Variants in CDH11 observed in about 807,000 individuals in gnomAD.
CDH11 encodes cadherin 11.
Under a neutral mutation model 67.8 loss-of-function variants are expected in CDH11, and 11 were observed. The observed-to-expected ratio is 0.16, with a 90% CI of 0.10 to 0.27. The LOEUF is 0.27. CDH11 is among the 10% of genes least tolerant of loss of function. The pLI, the probability that CDH11 is intolerant of heterozygous loss-of-function variation, is 1.00. For synonymous variants in CDH11, 419 were observed against 400.0 expected (o/e 1.05, Z -0.57); for missense variants, 847 against 1,031.2 (o/e 0.82, Z 2.45).
chr16:64,981,942 C>T lies in CDH11; in HGVS notation c.1253+106G>A, dbSNP rs1223429412. ...TTTACATTCTATTGAACCTGATAAA[C>T]TTGAACCCTTTTTGAAATTGAAAAA... is the stretch of plus-strand genomic sequence containing the variant. On this transcript the variant is annotated intron_variant, in intron 8 of 12. Transcript: ENST00000268603. The T allele has an allele frequency of 6.1e-6, 6 of 987,632 alleles. No homozygotes were observed. In the Admixed American group the frequency reaches 1.2e-4, roughly 19 times the overall value. 61.2% of individuals were successfully genotyped at this position (987,632 alleles called of 1,614,324 possible). A position where few individuals can be genotyped will look rare whatever the true frequency, so the allele number is the denominator to read the frequency against.
At chr16:64,949,896 C>T (rs776767895) in intron 12 of CDH11, among the ~76,000 whole-genome samples, 3 of 152,114 alleles carry the variant, frequency 2.0e-5, no homozygotes, top group African/African-American at 4.8e-5. Flanking sequence ...ACATAGGGCC[C>T]GTTGCCCAGA....
chr16:65,095,963 A>G (rs1473758612), intron 1 of CDH11, among the ~76,000 whole-genome samples: 6 of 152,214 alleles, frequency 3.9e-5, no homozygotes, highest in Admixed American at 2.6e-4. Context: ...CAGTAATTAC[A>G]AATTGAAAAT....
intron 8 of CDH11, among the ~76,000 whole-genome samples, chr16:64,976,239 G>A (rs1383449580): frequency 6.6e-6 from 1 of 152,150 alleles, no homozygotes; most frequent in East Asian, 1.9e-4. Context: ...TGGACACAGA[G>A]AGAAGGACCA....
At position 64,965,610 on chromosome 16, in the gene CDH11, AT is replaced by A. The variant is rs545275866; in HGVS notation, c.1642+5968del. Among the ~76,000 whole-genome samples, 5 of 152,122 alleles carry A rather than the reference AT, an allele frequency of 3.3e-5. No individual in the cohort carries two copies. The South Asian group carries it at 1.0e-3, about 31-fold the overall frequency. The stretch of plus-strand genomic sequence containing the variant: ...CTGAAGCTGTTTTAAAGTGAACTTT[AT>A]TTTTGATAAATAGAATGAGTACACT... On this transcript the variant is annotated intron_variant, in intron 11 of 12. Coordinates refer to ENST00000268603, the MANE Select transcript of CDH11 (RefSeq NM_001797.4).
chr16:64,970,811 C>G (rs2071983849), intron 11 of CDH11, among the ~76,000 whole-genome samples: 1 of 152,170 alleles, frequency 6.6e-6, no homozygotes, highest in African/African-American at 2.4e-5. Flanking sequence ...TTTTCACAGG[C>G]CTGCACCTTC....
chr16:65,073,944 C>T (rs558268219), intron 1 of CDH11, among the ~76,000 whole-genome samples: 77 of 152,246 alleles, frequency 5.1e-4, no homozygotes, highest in African/African-American at 1.8e-3. Flanking sequence ...ACCTGAGTTT[C>T]ATTTGGTTGT....
intron 2 of CDH11, among the ~76,000 whole-genome samples, chr16:65,019,758 T>C (rs1350322643): frequency 6.6e-6 from 1 of 152,122 alleles, no homozygotes; most frequent in Non-Finnish European, 1.5e-5. Flanking sequence ...TTGAATAATA[T>C]CCTTTTAATT....
In CDH11 at chr16:65,004,780, G is replaced by T. The variant is rs1215210871; in HGVS notation, c.90C>A (p.His30Gln). 6.3e-7 allele frequency: 1 copy of T among 1,582,450 alleles called. No homozygotes were observed. The highest frequency in any genetic ancestry group is 2.3e-5 in the East Asian group (1 of 42,716). Residue 30 changes from histidine (H) to glutamine (Q), a missense_variant, in exon 3 of 13, where the codon CAC (histidine) becomes CAA (glutamine). His to Gln is a conservative substitution (Grantham distance 24). This residue lies in a region of CDH11 where 235 missense variants were observed against 352.5 expected (regional missense o/e 0.67). Transcript: ENST00000268603. Reference protein sequence around the residue: ...SHAFAPERRGHLRPSFHGHHE... With the variant: ...SHAFAPERRGQLRPSFHGHHE... ...GGTGCCCATGGAAGGAGGGCCGCAG[G>T]TGCCCCCGCCGCTCTGGGGCAAAGG...
Position 64,946,194 on chromosome 16 carries a change from A to G in CDH11, c.*1409T>C. ...TTCTCATTAAAACATAAAATGCCAC[A>G]TCATTTTACAATTAGTTAAAATTAC... On this transcript the variant is annotated 3_prime_UTR_variant, in exon 13 of 13. Coordinates refer to ENST00000268603, the MANE Select transcript of CDH11 (RefSeq NM_001797.4). 1 of 1,051,408 alleles carries G rather than the reference A, an allele frequency of 9.5e-7. No homozygotes were observed. Among genetic ancestry groups the G allele is most frequent in the Non-Finnish European group, 1.1e-6 (1 of 870,440 alleles). 65.1% of individuals were successfully genotyped at this position (1,051,408 alleles called of 1,614,324 possible). A position where few individuals can be genotyped will look rare whatever the true frequency, so the allele number is the denominator to read the frequency against.
intron 1 of CDH11, among the ~76,000 whole-genome samples, chr16:65,099,757 T>C (rs566599988): frequency 6.6e-6 from 1 of 152,286 alleles, no homozygotes; most frequent in Non-Finnish European, 1.5e-5. Flanking sequence ...TGACAGAAGC[T>C]AGACGACTCC....
chr16:65,036,867 C>T (rs1299841259), intron 2 of CDH11, among the ~76,000 whole-genome samples: 1 of 152,138 alleles, frequency 6.6e-6, no homozygotes, highest in African/African-American at 2.4e-5. Context: ...ACTTGACTCT[C>T]TGCCTGAAAT....
chr16:64,974,203 C>T (rs1331689775), intron 8 of CDH11, among the ~76,000 whole-genome samples: 1 of 152,082 alleles, frequency 6.6e-6, no homozygotes, highest in Non-Finnish European at 1.5e-5. Flanking sequence ...AAACCCCTTC[C>T]CTTTCCACTC....
At chr16:65,076,325 A>G (rs2074508621) in intron 1 of CDH11, among the ~76,000 whole-genome samples, 1 of 152,140 alleles carries the variant, frequency 6.6e-6, no homozygotes, top group African/African-American at 2.4e-5. Flanking sequence ...TTTCTTTTAC[A>G]GGGTGATGCC....
At chr16:65,039,400 A>G (rs934988469) in intron 2 of CDH11, among the ~76,000 whole-genome samples, 3 of 152,166 alleles carry the variant, frequency 2.0e-5, no homozygotes, top group African/African-American at 7.2e-5. Flanking sequence ...CCTCAGAAAT[A>G]ATGCTGCATA....
intron 2 of CDH11, among the ~76,000 whole-genome samples, chr16:65,020,612 G>A (rs1031328487): frequency 2.0e-5 from 3 of 152,312 alleles, no homozygotes; most frequent in Middle Eastern, 3.4e-3. Context: ...TTACAGGTGT[G>A]AGCCATGATG....
chr16:65,051,428 A>T (rs1238626457), intron 2 of CDH11, among the ~76,000 whole-genome samples: 1 of 144,262 alleles, frequency 6.9e-6, no homozygotes, highest in Non-Finnish European at 1.5e-5. Flanking sequence ...TGGGAGATTC[A>T]TTCAGGAGAA....
rs1200566498 is a variant in CDH11 at position 64,982,321 on chromosome 16, G to A, written c.1000-20C>T. ...TACAGGCTGGCAAGAATGAAGAGAA[G>A]ATTGACAACCAATTCCTTGAAAGAA... On this transcript the variant is annotated intron_variant, in intron 7 of 12. Transcript: ENST00000268603. 4.4e-6 allele frequency: 7 copies of A among 1,590,912 alleles called. No homozygotes were observed. The Admixed American group carries it at 5.1e-5, about 12-fold the overall frequency.
intron 1 of CDH11, among the ~76,000 whole-genome samples, chr16:65,092,112 A>G (rs1020703844): frequency 6.6e-6 from 1 of 152,296 alleles, no homozygotes; most frequent in Admixed American, 6.5e-5. Context: ...AGAATGCCAT[A>G]GTCATAGATG....
At position 64,946,516 on chromosome 16, in the gene CDH11, T is replaced by A. The variant is rs568520318; in HGVS notation, c.*1087A>T. 7 of 1,030,864 alleles carry A rather than the reference T, an allele frequency of 6.8e-6. No homozygotes were observed. The South Asian group carries it at 3.2e-4, about 48-fold the overall frequency. 63.9% of individuals were successfully genotyped at this position (1,030,864 alleles called of 1,614,324 possible). A position where few individuals can be genotyped will look rare whatever the true frequency, so the allele number is the denominator to read the frequency against. ...CATAGACTGACCTAGTTCTTTCACA[T>A]CCTTCTTTTTTAGAAGATGTGTGTG... is the stretch of plus-strand genomic sequence containing the variant. On this transcript the variant is annotated 3_prime_UTR_variant, in exon 13 of 13. Coordinates refer to ENST00000268603, the MANE Select transcript of CDH11 (RefSeq NM_001797.4).
Sources: gnomAD v4.1 joint callset for allele counts (sites outside exome capture counted in the v4.1 genomes callset) on GRCh38, gnomAD v4.1.1 for gene constraint, gnomAD v4.1.1 regional missense constraint, MANE v1.5 for transcripts, NCBI Gene and HGNC (gene_info 2026-07-23, HGNC 2026-07-21) for gene names.